The following WWP1 variants were observed in gnomAD, a reference collection of about 807,000 sequenced individuals.
WWP1 encodes the protein NEDD4-like E3 ubiquitin-protein ligase WWP1.
A neutral mutation model predicts 130.6 loss-of-function variants in WWP1; 49 were observed. The ratio of observed to expected loss-of-function variants is 0.38; its 90% confidence interval spans 0.30 to 0.48. WWP1 has a LOEUF of 0.48. Ranked by LOEUF, WWP1 falls within the 20% of genes least tolerant of loss-of-function variation. The probability of loss-of-function intolerance (pLI) is 0.99; values close to 1 mark genes in which losing one functional copy is unlikely to be tolerated. For missense variants in WWP1, 809 were observed against 1,100.6 expected, an observed-to-expected ratio of 0.74 and a Z score of 3.75; for synonymous variants, 332 against 367.8, an observed-to-expected ratio of 0.90 and a Z score of 1.11.
chr8:86,463,309 G>GT (rs1479010760), intron 24 of WWP1, among the ~76,000 whole-genome samples: 30 of 151,754 alleles, frequency 2.0e-4, no homozygotes, highest in African/African-American at 3.4e-4. Flanking sequence ...TTTTTTGTTT[G>GT]TTTTTTTGTT....
At chr8:86,445,777 G>A (rs1275357573) in intron 18 of WWP1, among the ~76,000 whole-genome samples, 1 of 151,964 alleles carries the variant, frequency 6.6e-6, no homozygotes, top group Non-Finnish European at 1.5e-5. Context: ...TCTGAACAAA[G>A]TATATGTCTC....
intron 1 of WWP1, among the ~76,000 whole-genome samples, chr8:86,367,848 C>T (rs1011219419): frequency 3.9e-5 from 6 of 152,152 alleles, no homozygotes; most frequent in South Asian, 2.1e-4. Flanking sequence ...AGTATTAATA[C>T]GGCTCAGCAG....
chr8:86,459,621 A>G (rs1359552355), intron 22 of WWP1, among the ~76,000 whole-genome samples: 1 of 152,216 alleles, frequency 6.6e-6, no homozygotes, highest in Non-Finnish European at 1.5e-5. Context: ...ACTATTACCT[A>G]TTATAAAATA....
chr8:86,456,273 C>G (rs1283261359), intron 21 of WWP1, among the ~76,000 whole-genome samples: 1 of 151,858 alleles, frequency 6.6e-6, no homozygotes, highest in East Asian at 1.9e-4. Flanking sequence ...CATTGGACTT[C>G]TTCAAAACTA....
At chr8:86,440,944 A>T (rs1810562273) in intron 17 of WWP1, among the ~76,000 whole-genome samples, 1 of 152,126 alleles carries the variant, frequency 6.6e-6, no homozygotes, top group Non-Finnish European at 1.5e-5. Context: ...AGGCTCTGCT[A>T]GCTCATCTGT....
intron 18 of WWP1, among the ~76,000 whole-genome samples, chr8:86,446,393 C>G (rs1406074614): frequency 6.6e-6 from 1 of 151,850 alleles, no homozygotes; most frequent in Non-Finnish European, 1.5e-5. Flanking sequence ...AGATATTAGA[C>G]CTTTGTTGGA....
At chr8:86,398,840 T>A (rs1807818102) in intron 7 of WWP1, among the ~76,000 whole-genome samples, 1 of 152,202 alleles carries the variant, frequency 6.6e-6, no homozygotes, top group Non-Finnish European at 1.5e-5. Flanking sequence ...TATCATGAAA[T>A]TCACTTTTTA....
chr8:86,436,487 T>C (rs1810293775), intron 16 of WWP1, among the ~76,000 whole-genome samples: 1 of 152,200 alleles, frequency 6.6e-6, no homozygotes, highest in Admixed American at 6.5e-5. Flanking sequence ...GCTTTATTCT[T>C]TTTCATAACC....
chr8:86,435,638 T>C lies in WWP1; in HGVS notation c.1683T>C (p.Asn561=). Residue 561 remains asparagine (N), a synonymous_variant, in exon 16 of 25, where the codon AAT becomes AAC. Coordinates refer to ENST00000517970, the MANE Select transcript of WWP1 (RefSeq NM_007013.4). ...LAHFRYLCQS[N]ALPSHVKINV... is the part of the protein sequence containing the mutation. ...GATATTATTTTTGTTTTTAGTCTAA[T>C]GCACTACCTAGTCATGTAAAGATCA... 1 of 1,613,298 alleles carries C rather than the reference T, an allele frequency of 6.2e-7. No homozygotes were observed. Among genetic ancestry groups the C allele is most frequent in the Non-Finnish European group, 8.5e-7 (1 of 1,179,760 alleles).
At chr8:86,410,950 C>T (rs1241908607) in intron 8 of WWP1, among the ~76,000 whole-genome samples, 1 of 152,108 alleles carries the variant, frequency 6.6e-6, no homozygotes, top group Non-Finnish European at 1.5e-5. Context: ...TAATTTGACT[C>T]ATTTTTATAG....
intron 1 of WWP1, among the ~76,000 whole-genome samples, chr8:86,367,522 G>A (rs376305041): frequency 3.9e-5 from 6 of 152,108 alleles, no homozygotes; most frequent in African/African-American, 7.2e-5. Flanking sequence ...TGGAAATGTC[G>A]TTTATTATCT....
intron 9 of WWP1, among the ~76,000 whole-genome samples, chr8:86,423,992 C>T (rs1255905994): frequency 1.7e-4 from 16 of 93,746 alleles, no homozygotes; most frequent in Non-Finnish European, 3.6e-4. Flanking sequence ...GGGCTGCCCC[C>T]CACCTCCCTC....
chr8:86,357,224 G>A (rs1288772211), intron 1 of WWP1, among the ~76,000 whole-genome samples: 1 of 152,100 alleles, frequency 6.6e-6, no homozygotes, highest in Non-Finnish European at 1.5e-5. Context: ...GCCGAGTGAG[G>A]TTTAGATGCC....
At position 86,411,690 on chromosome 8, in the gene WWP1, A is replaced by G. The variant is rs1808595480; in HGVS notation, c.877A>G (p.Asn293Asp). The change falls in exon 9 of 25, where the codon AAT (asparagine) becomes GAT (aspartate). Residue 293 changes from asparagine to aspartate, a missense_variant. Coordinates refer to ENST00000517970, the MANE Select transcript of WWP1 (RefSeq NM_007013.4). ...AGAAATACTGACTTCCTCAGAAAAC[A>G]ATGAATGTATTCCTTCTACCAGTGC... The part of the protein sequence containing the change: ...VQEILTSSEN[N>D]ECIPSTSAEL... 3 of 1,614,054 alleles carry G rather than the reference A, an allele frequency of 1.9e-6. No individual in the cohort carries two copies. In the African/African-American group the frequency reaches 4.0e-5, roughly 22 times the overall value.
At chr8:86,462,411 TAG>T (rs199665139) in intron 24 of WWP1, among the ~76,000 whole-genome samples, 1,529 of 152,202 alleles carry the variant, frequency 0.01, 12 homozygotes, top group Non-Finnish European at 0.014. Flanking sequence ...ATGAATATGA[TAG>T]GTGTGATTGG....
At chr8:86,370,961 G>A (rs938820766) in intron 2 of WWP1, among the ~76,000 whole-genome samples, 5 of 139,188 alleles carry the variant, frequency 3.6e-5, no homozygotes, top group African/African-American at 1.4e-4. Flanking sequence ...TGCCTCCCGG[G>A]TTTAAGTAAT....
intron 17 of WWP1, among the ~76,000 whole-genome samples, chr8:86,439,204 G>A (rs762288663): frequency 5.3e-5 from 8 of 152,080 alleles, no homozygotes; most frequent in African/African-American, 1.2e-4. Flanking sequence ...TTAGCCAGGC[G>A]TGGTGGTGGG....
chr8:86,458,645 G>T lies in WWP1; in HGVS notation c.2499+620G>T, dbSNP rs529737692. ...TTCAGATAACTACTCTACTAATTGG[G>T]ACTCTTTTGAGCAACTTAGTGACTG... On this transcript the variant is annotated intron_variant, in intron 22 of 24. Coordinates refer to ENST00000517970, the MANE Select transcript of WWP1 (RefSeq NM_007013.4). Among the ~76,000 whole-genome samples, 10 of 152,210 alleles carry T rather than the reference G, an allele frequency of 6.6e-5. No homozygotes were observed. The South Asian group carries it at 1.9e-3, about 28-fold the overall frequency.
At position 86,457,916 on chromosome 8, in the gene WWP1, C is replaced by T; in HGVS notation, c.2395-5C>T. ...TTGTGGCCTGATTCTGTGCTCATTTCCCAGGTTATGTTGTGTGGCATGCAG... is the reference window on the plus strand; with the variant it reads ...TTGTGGCCTGATTCTGTGCTCATTTTCCAGGTTATGTTGTGTGGCATGCAG... On this transcript the variant is annotated splice_region_variant and splice_polypyrimidine_tract_variant and intron_variant, in intron 21 of 24. Transcript: ENST00000517970. 6.2e-7 allele frequency: 1 copy of T among 1,611,172 alleles called. No individual in the cohort carries two copies. The highest frequency in any genetic ancestry group is 8.5e-7 in the Non-Finnish European group (1 of 1,177,944).
Sources: allele counts gnomAD v4.1 joint callset (sites outside exome capture counted in the v4.1 genomes callset), GRCh38; gene constraint gnomAD v4.1.1; transcripts MANE v1.5; gene names NCBI Gene and HGNC (gene_info 2026-07-23, HGNC 2026-07-21).